CDC42BPA: variants seen among roughly 807,000 people sequenced by gnomAD.
CDC42BPA encodes CDC42 binding protein kinase alpha, also known as serine/threonine-protein kinase MRCK alpha.
CDC42BPA carries 80 observed loss-of-function variants against 223.5 expected under a neutral mutation model. That is an observed-to-expected ratio of 0.36 (90% CI 0.30 to 0.43). The LOEUF is 0.43. Ranked by LOEUF, CDC42BPA falls within the 20% of genes least tolerant of loss-of-function variation. The pLI, the probability that CDC42BPA is intolerant of heterozygous loss-of-function variation, is 1.00. For synonymous variants in CDC42BPA, 694 were observed against 718.6 expected (o/e 0.97, Z 0.55); for missense variants, 1,743 against 2,099.9 (o/e 0.83, Z 3.32).
chr1:227,129,693 A>AAAAAAAAAAAAAC (rs1656620148), intron 10 of CDC42BPA, among the ~76,000 whole-genome samples: 2 of 132,144 alleles, frequency 1.5e-5, no homozygotes, highest in African/African-American at 3.0e-5. Flanking sequence ...AAAAAAAAAA[A>AAAAAAAAAAAAAC]ATCCACTGCA....
intron 15 of CDC42BPA, among the ~76,000 whole-genome samples, chr1:227,093,557 C>G (rs550968628): frequency 2.0e-5 from 3 of 152,192 alleles, no homozygotes; most frequent in African/African-American, 7.2e-5. Context: ...ATAAATTAAC[C>G]CAACAATGCC....
chr1:227,100,631 T>C (rs1194148721), intron 15 of CDC42BPA, among the ~76,000 whole-genome samples: 1 of 151,874 alleles, frequency 6.6e-6, no homozygotes, highest in East Asian at 1.9e-4. Flanking sequence ...GAGATAGGGT[T>C]TTACTATGTT....
intron 1 of CDC42BPA, among the ~76,000 whole-genome samples, chr1:227,273,066 G>A (rs1486588432): frequency 6.6e-6 from 1 of 151,928 alleles, no homozygotes; most frequent in Admixed American, 6.6e-5. Context: ...GCCAAGGTGG[G>A]TGGATCACCT....
chr1:227,073,846 T>C lies in CDC42BPA; in HGVS notation c.2735+18A>G. ...AACTTAGAAATTATTCTAGTGGGAC[T>C]ATATGATTCAATCTTACCATTCTGT... On this transcript the variant is annotated intron_variant, in intron 19 of 36. Transcript: ENST00000366766. 1 of 1,517,212 alleles carries C rather than the reference T, an allele frequency of 6.6e-7. No homozygotes were observed. Among genetic ancestry groups the C allele is most frequent in the Non-Finnish European group, 8.9e-7 (1 of 1,122,214 alleles). 94.0% of individuals were successfully genotyped at this position (1,517,212 alleles called of 1,614,324 possible).
At chr1:227,213,290 T>C (rs1198122439) in intron 2 of CDC42BPA, 71 bp from the exon 3 acceptor site, 2 of 745,376 alleles carry the variant, frequency 2.7e-6, no homozygotes, top group Non-Finnish European at 4.4e-6. Flanking sequence ...CATTTTCCTT[T>C]TTCCTCTGTA....
chr1:227,317,566 A>G lies in CDC42BPA; in HGVS notation c.-384T>C, dbSNP rs1365996595. On this transcript the variant is annotated 5_prime_UTR_variant, in exon 1 of 37. Transcript: ENST00000366766. The stretch of plus-strand genomic sequence containing the variant: ...ATTCAAAATTCAACTCGTGCAACGT[A>G]ATCCTGAAACGAATCCGGTTGCATC... 1 of 398,634 alleles carries G rather than the reference A, an allele frequency of 2.5e-6. No individual in the cohort carries two copies. Among genetic ancestry groups the G allele is most frequent in the Non-Finnish European group, 4.4e-6 (1 of 226,156 alleles). 24.7% of individuals were successfully genotyped at this position (398,634 alleles called of 1,614,324 possible).
chr1:227,168,656 C>T (rs1314490065), intron 5 of CDC42BPA, among the ~76,000 whole-genome samples: 5 of 151,764 alleles, frequency 3.3e-5, no homozygotes, highest in Admixed American at 1.3e-4. Flanking sequence ...CCACCACGTC[C>T]GGCTAATTTT....
intron 16 of CDC42BPA, among the ~76,000 whole-genome samples, chr1:227,090,714 G>A (rs969115527): frequency 5.9e-5 from 9 of 152,216 alleles, no homozygotes; most frequent in Non-Finnish European, 8.8e-5. Context: ...AGGAGGCTGA[G>A]GCAGGAGAAT....
At chr1:227,288,529 T>C (rs1213007981) in intron 1 of CDC42BPA, among the ~76,000 whole-genome samples, 9 of 151,932 alleles carry the variant, frequency 5.9e-5, no homozygotes, top group Admixed American at 5.9e-4. Flanking sequence ...CAAAACCCCA[T>C]CTCTACTAAA....
At chr1:227,224,976 A>C (rs1444779659) in intron 2 of CDC42BPA, among the ~76,000 whole-genome samples, 1 of 152,194 alleles carries the variant, frequency 6.6e-6, no homozygotes, top group Non-Finnish European at 1.5e-5. Context: ...GAGCTAACAG[A>C]GGGAAAAAAA....
At chr1:227,084,657 T>A (rs974346315) in intron 16 of CDC42BPA, among the ~76,000 whole-genome samples, 1 of 152,168 alleles carries the variant, frequency 6.6e-6, no homozygotes, top group Non-Finnish European at 1.5e-5. Flanking sequence ...CTTTTTTGTA[T>A]GTTTGTAGAG....
intron 2 of CDC42BPA, among the ~76,000 whole-genome samples, chr1:227,250,590 C>T (rs767593689): frequency 6.6e-6 from 1 of 151,826 alleles, no homozygotes; most frequent in Non-Finnish European, 1.5e-5. Context: ...AAAAATCCAT[C>T]GAGTTATATG....
intron 5 of CDC42BPA, among the ~76,000 whole-genome samples, chr1:227,187,196 G>A (rs1238403645): frequency 6.6e-6 from 1 of 152,138 alleles, no homozygotes; most frequent in South Asian, 2.1e-4. Flanking sequence ...ACAGACATCA[G>A]AATGAGAGTC....
intron 6 of CDC42BPA, among the ~76,000 whole-genome samples, chr1:227,152,888 A>G (rs1662040813): frequency 6.6e-6 from 1 of 152,108 alleles, no homozygotes; most frequent in Non-Finnish European, 1.5e-5. Flanking sequence ...TATATCAGGC[A>G]TATGATAAAG....
chr1:227,029,329 G>T, intron 29 of CDC42BPA, 79 bp from the exon 30 acceptor site: 1 of 932,436 alleles, frequency 1.1e-6, no homozygotes, highest in Non-Finnish European at 1.6e-6. Context: ...AAGGATGTAA[G>T]TCAACTTACA....
intron 2 of CDC42BPA, among the ~76,000 whole-genome samples, chr1:227,215,755 A>C (rs1459421010): frequency 6.8e-6 from 1 of 146,782 alleles, no homozygotes; most frequent in Non-Finnish European, 1.5e-5. Flanking sequence ...CAATTTCTTC[A>C]GTTTAACTAC....
chr1:227,056,906 C>T lies in CDC42BPA; in HGVS notation c.2905-4921G>A, dbSNP rs534789791. Among the ~76,000 whole-genome samples the T allele has an allele frequency of 2.0e-5, 3 of 152,232 alleles. No homozygotes were observed. The South Asian group carries it at 6.2e-4, about 32-fold the overall frequency. On this transcript the variant is annotated intron_variant, in intron 21 of 36. Transcript: ENST00000366766. Reference sequence around the variant, plus strand: ...GTAAATACATTTTATTGCGCTAGAACAAATCCTAACAAATGACTAAAGGTT... The same window carrying T: ...GTAAATACATTTTATTGCGCTAGAATAAATCCTAACAAATGACTAAAGGTT...
chr1:227,061,919 T>C (rs1288364797), intron 21 of CDC42BPA, among the ~76,000 whole-genome samples: 1 of 152,226 alleles, frequency 6.6e-6, no homozygotes, highest in Non-Finnish European at 1.5e-5. Flanking sequence ...CTTAAACTCC[T>C]GACGCATATA....
Position 227,082,714 on chromosome 1 carries a change from CAAAAAAAAAAAAAAAA to C in CDC42BPA, c.2356-1713_2356-1698del, listed in dbSNP as rs71574595. Among the ~76,000 whole-genome samples the C allele has an allele frequency of 6.7e-5, 4 of 59,512 alleles. No homozygotes were observed. The East Asian group carries it at 1.1e-3, about 17-fold the overall frequency. The allele number at this position is 59,512 out of a possible 152,430, so 39.0% of individuals were successfully genotyped here. The stretch of plus-strand genomic sequence containing the variant: ...TGGGTGACAGAATGAGACTCTGTCT[CAAAAAAAAAAAAAAAA>C]AAAAAAAAAAAGAATGTAGGTTGTC... On this transcript the variant is annotated intron_variant, in intron 16 of 36. Transcript: ENST00000366766.
Sources: allele counts gnomAD v4.1 joint callset (sites outside exome capture counted in the v4.1 genomes callset), GRCh38; gene constraint gnomAD v4.1.1; transcripts MANE v1.5; gene names NCBI Gene and HGNC (gene_info 2026-07-23, HGNC 2026-07-21).